SNX21: variants seen among roughly 807,000 people sequenced by gnomAD.
SNX21 encodes sorting nexin-21.
SNX21 carries 36 observed loss-of-function variants against 30.9 expected under a neutral mutation model. The observed-to-expected ratio is 1.16, with a 90% CI of 0.89 to 1.54. The LOEUF (loss-of-function observed/expected upper bound fraction) is 1.54, where lower values mean the gene tolerates loss of function less well. Among genes scored for constraint, SNX21 ranks in the 40% most tolerant of loss-of-function variants. The probability of loss-of-function intolerance (pLI) is 0.00; values close to 1 mark genes in which losing one functional copy is unlikely to be tolerated. For synonymous variants in SNX21, 218 were observed against 222.7 expected (o/e 0.98, Z 0.19); for missense variants, 508 against 516.5 (o/e 0.98, Z 0.16).
intron 3 of SNX21, among the ~76,000 whole-genome samples, chr20:45,839,238 A>G (rs543488389): frequency 3.0e-4 from 45 of 152,234 alleles, no homozygotes; most frequent in Middle Eastern, 6.8e-3. Flanking sequence ...AGAGCTGGCC[A>G]GGCGCGGTGG....
chr20:45,836,407 C>T (rs1196804392), intron 3 of SNX21, among the ~76,000 whole-genome samples: 3 of 141,808 alleles, frequency 2.1e-5, no homozygotes, highest in East Asian at 4.4e-4. Context: ...AGGAGAATGG[C>T]GTGAACCCAG....
intron 2 of SNX21, 104 bp downstream of exon 2, chr20:45,834,572 T>A: frequency 2.2e-6 from 3 of 1,388,780 alleles, no homozygotes; most frequent in Non-Finnish European, 2.8e-6. Context: ...CAGCTGAAAC[T>A]CCCACACTTC....
chr20:45,835,522 C>T (rs142042811), intron 3 of SNX21, among the ~76,000 whole-genome samples: 42 of 152,314 alleles, frequency 2.8e-4, no homozygotes, highest in African/African-American at 9.6e-4. Context: ...AATCTTGACT[C>T]CCACTTATTT....
chr20:45,837,135 A>T (rs1404409579), intron 3 of SNX21, among the ~76,000 whole-genome samples: 2 of 152,158 alleles, frequency 1.3e-5, no homozygotes, highest in African/African-American at 2.4e-5. Context: ...GGGTAATGGA[A>T]CTACTGTCAT....
At chr20:45,834,043 G>A (rs1376260731) in intron 1 of SNX21, 103 bp downstream of exon 1, 7 of 1,415,474 alleles carry the variant, frequency 4.9e-6, no homozygotes, top group Non-Finnish European at 6.5e-6. Flanking sequence ...AAGCGATGCT[G>A]GCTGGGTCCC....
chr20:45,839,532 T>TA (rs948717538), intron 3 of SNX21, among the ~76,000 whole-genome samples: 4 of 150,386 alleles, frequency 2.7e-5, no homozygotes, highest in East Asian at 2.0e-4. Context: ...TCAAAAAAAA[T>TA]AAAAAAATAA....
chr20:45,835,250 T>G, intron 3 of SNX21, 134 bp downstream of exon 3: 1 of 1,057,292 alleles, frequency 9.5e-7, no homozygotes, highest in Non-Finnish European at 1.3e-6. Context: ...GAAACTGAGG[T>G]CAGAAAGGGG....
At chr20:45,837,347 A>G (rs560227524) in intron 3 of SNX21, among the ~76,000 whole-genome samples, 3 of 152,346 alleles carry the variant, frequency 2.0e-5, no homozygotes, top group Admixed American at 2.0e-4. Flanking sequence ...ATGTTTTGAG[A>G]ATGCAGAGTT....
rs757748919 is a variant in SNX21 at position 45,840,780 on chromosome 20, C to T, written c.589C>T (p.Arg197Cys). ...CCCAATGGCTGCCATCTCCTTCCCC[C>T]GTAAGCGGCTGCGCCGGAATTTTAC... The part of the protein sequence containing the change: ...RGPMAAISFP[R>C]KRLRRNFTAE... Residue 197 changes from arginine to cysteine, a missense_variant, in exon 4 of 4, where the codon CGT (arginine) becomes TGT (cysteine). By Grantham distance (180) the Arg-to-Cys change is radical. Transcript: ENST00000491381. 6.9e-5 allele frequency: 111 copies of T among 1,613,948 alleles called. No homozygotes were observed. The highest frequency in any genetic ancestry group is 9.0e-5 in the Non-Finnish European group (106 of 1,180,060).
Position 45,843,030 on chromosome 20 carries a change from A to G in SNX21, c.*1717A>G. The G allele has an allele frequency of 1.8e-6, 2 of 1,111,266 alleles. No individual in the cohort carries two copies. The highest frequency in any genetic ancestry group is 6.8e-5 in the East Asian group (1 of 14,634). 68.8% of individuals were successfully genotyped at this position (1,111,266 alleles called of 1,614,324 possible). On this transcript the variant is annotated 3_prime_UTR_variant, in exon 4 of 4. Coordinates refer to ENST00000491381, the MANE Select transcript of SNX21 (RefSeq NM_033421.4). ...ACCACTGAATGCCCCGATCCCAATC[A>G]GGTTAATCAGAATCACTTAGAGAAC...
chr20:45,839,368 T>C (rs1343479097), intron 3 of SNX21, among the ~76,000 whole-genome samples: 1 of 151,814 alleles, frequency 6.6e-6, no homozygotes, highest in African/African-American at 2.4e-5. Flanking sequence ...TACAAAAAAT[T>C]AGCCGGGCGT....
Position 45,834,362 on chromosome 20 carries a change from C to G in SNX21, c.183C>G (p.Leu61=). ...EGLSSRLSGT[L]SFTSAEDDED... is the part of the protein sequence containing the mutation. ...TGTCCTCCCGACTCAGCGGCACCCT[C>G]AGCTTCACCAGCGCCGAGGACGACG... Residue 61 remains leucine (L), a synonymous_variant, in exon 2 of 4, where the codon CTC becomes CTG. Coordinates refer to ENST00000491381, the MANE Select transcript of SNX21 (RefSeq NM_033421.4). 1 of 1,602,690 alleles carries G rather than the reference C, an allele frequency of 6.2e-7. No homozygotes were observed. Among genetic ancestry groups the G allele is most frequent in the Non-Finnish European group, 8.5e-7 (1 of 1,177,802 alleles).
At chr20:45,840,411 T>C in intron 3 of SNX21, 1 of 1,614,170 alleles carries the variant, frequency 6.2e-7, no homozygotes, top group Non-Finnish European at 8.5e-7. Flanking sequence ...TCTCTGTCTT[T>C]CTCTCTTCTT....
At position 45,841,922 on chromosome 20, in the gene SNX21, C is replaced by A. The variant is rs776641728; in HGVS notation, c.*609C>A. The A allele has an allele frequency of 6.2e-7, 1 of 1,613,192 alleles. No homozygotes were observed. The highest frequency in any genetic ancestry group is 1.1e-5 in the South Asian group (1 of 90,968). On this transcript the variant is annotated 3_prime_UTR_variant, in exon 4 of 4. Transcript: ENST00000491381. The stretch of plus-strand genomic sequence containing the variant: ...TCACAGCTAGGACTCCATCCTGACG[C>A]CACAGCCGCCCATGGACCAGCCCCC...
At chr20:45,839,524 AAAAAAAAT>A (rs748680036) in intron 3 of SNX21, among the ~76,000 whole-genome samples, 3 of 151,716 alleles carry the variant, frequency 2.0e-5, no homozygotes, top group East Asian at 1.9e-4. Flanking sequence ...ACTCCGTCTC[AAAAAAAAT>A]AAAAAAATAA....
chr20:45,835,006 C>G lies in SNX21; in HGVS notation c.337C>G (p.Arg113Gly). The change falls in exon 3 of 4, where the codon CGG becomes GGG. Residue 113 changes from arginine to glycine, a missense_variant. Transcript: ENST00000491381. ...GCAGTGGGGCAGTCAGCTCCTGGCG[C>G]GGCAGCTGCAGGATTTCTGGAAGAA... Reference protein sequence around the residue: ...DGQWGSQLLARQLQDFWKKSR... With the variant: ...DGQWGSQLLAGQLQDFWKKSR... 6.2e-7 allele frequency: 1 copy of G among 1,614,150 alleles called. No homozygotes were observed. Among genetic ancestry groups the G allele is most frequent in the Admixed American group, 1.7e-5 (1 of 60,012 alleles).
Position 45,834,484 on chromosome 20 carries a change from C to T in SNX21, c.289+16C>T. 1 of 1,586,714 alleles carries T rather than the reference C, an allele frequency of 6.3e-7. No homozygotes were observed. Reference sequence around the variant, plus strand: ...GAAGACGCAGGCGAGTGCAGGAGGACGGAGGCGGGAACCCTGGGGCTCGAT... The same window carrying T: ...GAAGACGCAGGCGAGTGCAGGAGGATGGAGGCGGGAACCCTGGGGCTCGAT... On this transcript the variant is annotated intron_variant, in intron 2 of 3. Coordinates refer to ENST00000491381, the MANE Select transcript of SNX21 (RefSeq NM_033421.4).
chr20:45,838,582 C>T (rs1457557053), intron 3 of SNX21, among the ~76,000 whole-genome samples: 5 of 151,472 alleles, frequency 3.3e-5, no homozygotes, highest in Admixed American at 6.6e-5. Context: ...GGTGAAACCC[C>T]GACACTACTA....
At chr20:45,837,646 T>C (rs576385188) in intron 3 of SNX21, among the ~76,000 whole-genome samples, 10 of 152,350 alleles carry the variant, frequency 6.6e-5, no homozygotes, top group African/African-American at 2.4e-4. Flanking sequence ...GTGATCATCT[T>C]GTTCAGTGTT....
Sources: gnomAD v4.1 joint callset for allele counts (sites outside exome capture counted in the v4.1 genomes callset) on GRCh38, gnomAD v4.1.1 for gene constraint, MANE v1.5 for transcripts, NCBI Gene and HGNC (gene_info 2026-07-23, HGNC 2026-07-21) for gene names.